The following HMX1 variants were observed in gnomAD, a reference collection of about 807,000 sequenced individuals.
HMX1 encodes the protein H6 family homeobox 1, also known as homeobox protein HMX1.
HMX1 carries 8 observed loss-of-function variants against 8.9 expected under a neutral mutation model. The ratio of observed to expected loss-of-function variants is 0.90; its 90% CI spans 0.53 to 1.63. The LOEUF (loss-of-function observed/expected upper bound fraction) is 1.63. HMX1 is among the 40% of genes most tolerant of loss of function. The probability of loss-of-function intolerance (pLI) is 0.00; values close to 1 mark genes in which losing one functional copy is unlikely to be tolerated. For missense variants in HMX1, 621 were observed against 558.5 expected, an observed-to-expected ratio of 1.11 and a Z score of -1.13; for synonymous variants, 311 against 283.4, an observed-to-expected ratio of 1.10 and a Z score of -0.98.
intron 1 of HMX1, chr4:8,860,604 C>T (rs1034125672): frequency 2.6e-5 from 4 of 152,536 alleles, no homozygotes; most frequent in African/African-American, 4.8e-5. Context: ...AGCCCCGCGT[C>T]CCCCGCCACG....
chr4:8,856,161 C>G (rs1721603171), intron 1 of HMX1, among the ~76,000 whole-genome samples: 1 of 152,192 alleles, frequency 6.6e-6, no homozygotes, highest in Non-Finnish European at 1.5e-5. Context: ...GGGAAGGGCC[C>G]TGAGTGCTTT....
chr4:8,861,224 C>T (rs1469538495), intron 1 of HMX1, among the ~76,000 whole-genome samples: 3 of 152,140 alleles, frequency 2.0e-5, no homozygotes, highest in South Asian at 2.1e-4. Context: ...ATGAACCTGG[C>T]TCCAGGGCCC....
At chr4:8,850,298 G>C (rs1486646681) in intron 1 of HMX1, among the ~76,000 whole-genome samples, 2 of 152,160 alleles carry the variant, frequency 1.3e-5, no homozygotes, top group Non-Finnish European at 2.9e-5. Flanking sequence ...CACAGTGTGG[G>C]AGTCCCAGGC....
Position 8,867,705 on chromosome 4 carries a change from A to C in HMX1, c.1035T>G (p.Pro345=). ...ASVPFLRAQM[P]GLV ...CGGCAGGCGGGGCTCACACCAGGCC[A>C]GGCATCTGCGCCCGCAGAAAGGGCA... Residue 345 remains proline, a synonymous_variant, in exon 2 of 2, where the codon CCT becomes CCG. Coordinates refer to ENST00000400677, the MANE Select transcript of HMX1 (RefSeq NM_018942.3). The C allele has an allele frequency of 2.4e-6, 3 of 1,274,052 alleles. No homozygotes were observed. Among genetic ancestry groups the C allele is most frequent in the Non-Finnish European group, 3.0e-6 (3 of 1,014,240 alleles). The allele number at this position is 1,274,052 out of a possible 1,614,324, so 78.9% of individuals were successfully genotyped here. A position where few individuals can be genotyped will look rare whatever the true frequency, so the allele number is the denominator to read the frequency against.
chr4:8,868,411 C>A lies in HMX1; in HGVS notation c.395-66G>T. ...TGATTACCAGACTCAATCACTGAGG[C>A]CAGCCGTCCCCACCTTGAGGTCGCT... On this transcript the variant is annotated intron_variant, in intron 1 of 1. Transcript: ENST00000400677. The surrounding 1 kb of genome is among the most constrained non-coding windows in gnomAD (Gnocchi z 4.6). 1 of 1,178,110 alleles carries A rather than the reference C, an allele frequency of 8.5e-7. No individual in the cohort carries two copies. The highest frequency in any genetic ancestry group is 1.1e-6 in the Non-Finnish European group (1 of 928,408). 73.0% of individuals were successfully genotyped at this position (1,178,110 alleles called of 1,614,324 possible). A position where few individuals can be genotyped will look rare whatever the true frequency, so the allele number is the denominator to read the frequency against.
At chr4:8,860,073 A>G (rs1721745629) in intron 1 of HMX1, among the ~76,000 whole-genome samples, 1 of 152,256 alleles carries the variant, frequency 6.6e-6, no homozygotes, top group Admixed American at 6.5e-5. Context: ...TCAGGGGCGA[A>G]GCCGAGTTCG....
In HMX1 at chr4:8,871,349, G is replaced by T. The variant is rs1722211479; in HGVS notation, c.266C>A (p.Pro89Gln). 4 of 1,262,320 alleles carry T rather than the reference G, an allele frequency of 3.2e-6. No homozygotes were observed. The highest frequency in any genetic ancestry group is 9.9e-7 in the Non-Finnish European group (1 of 1,006,080). 78.2% of individuals were successfully genotyped at this position (1,262,320 alleles called of 1,614,324 possible). ...CCGAGGACCGAGGCCCAGCGCGCCC[G>T]GCCCGAGCAGCGCACGGGCCCGCGC... is the stretch of plus-strand genomic sequence containing the variant. ...GEARARALLG[P>Q]GALGLGPRPP... The change falls in exon 1 of 2, where the codon CCG (proline) becomes CAG (glutamine). Residue 89 changes from proline to glutamine, a missense_variant. By Grantham distance (76) the Pro-to-Gln change is moderately conservative. Transcript: ENST00000400677. The surrounding 1 kb of genome is among the most constrained non-coding windows in gnomAD (Gnocchi z 4.8).
downstream of HMX1, among the ~76,000 whole-genome samples, chr4:8,862,474 C>T (rs917126086): frequency 2.0e-5 from 3 of 152,218 alleles, no homozygotes; most frequent in African/African-American, 4.8e-5. Context: ...GTTCTTAAAC[C>T]GTGACCAATC....
downstream of HMX1, among the ~76,000 whole-genome samples, chr4:8,863,004 C>A (rs1264656233): frequency 1.3e-5 from 2 of 152,008 alleles, no homozygotes; most frequent in Non-Finnish European, 2.9e-5. Context: ...GCCTTGGGGA[C>A]CTGGGGATCG....
Position 8,867,629 on chromosome 4 carries a change from G to A in HMX1, c.*64C>T, listed in dbSNP as rs1287097170. On this transcript the variant is annotated 3_prime_UTR_variant, in exon 2 of 2. Transcript: ENST00000400677. ...CTAACGCCCCCTGAGCCCTGCGCCT[G>A]CCGCTGAATCGCGCGTCCACACAGG... 3 of 1,206,570 alleles carry A rather than the reference G, an allele frequency of 2.5e-6. No individual in the cohort carries two copies. The highest frequency in any genetic ancestry group is 1.6e-5 in the African/African-American group (1 of 63,218). The allele number at this position is 1,206,570 out of a possible 1,614,324, so 74.7% of individuals were successfully genotyped here.
At chr4:8,863,383 C>G (rs1242997254), downstream of HMX1, among the ~76,000 whole-genome samples, 3 of 152,252 alleles carry the variant, frequency 2.0e-5, no homozygotes, top group African/African-American at 7.2e-5. Flanking sequence ...CCTCTCCCGC[C>G]TCCCTGGTGC....
chr4:8,864,308 T>C (rs1433279710), downstream of HMX1, among the ~76,000 whole-genome samples: 1 of 152,146 alleles, frequency 6.6e-6, no homozygotes, highest in African/African-American at 2.4e-5. Context: ...TAGGCGTGTG[T>C]CCAGGATGTC....
chr4:8,860,962 GGGGCGA>G (rs879898843), intron 1 of HMX1: 2 of 143,624 alleles, frequency 1.4e-5, no homozygotes, highest in African/African-American at 5.9e-5. Context: ...GGCGGGGGCG[GGGGCGA>G]GGGCGGGGGA....
At chr4:8,856,077 C>T (rs1721600333) in intron 1 of HMX1, among the ~76,000 whole-genome samples, 1 of 152,174 alleles carries the variant, frequency 6.6e-6, no homozygotes, top group Non-Finnish European at 1.5e-5. Context: ...AGTGCACGCC[C>T]AGCTGTGCAG....
chr4:8,867,405 CG>C lies in HMX1; in HGVS notation c.*287del, dbSNP rs994484305. ...ATGGCCGACCGCTCCTCGCTGAGGC[CG>C]GGGGGTGGCCGTGGCGCCGGGGGCT... On this transcript the variant is annotated 3_prime_UTR_variant, in exon 2 of 2. Transcript: ENST00000400677. 1.6e-5 allele frequency: 17 copies of C among 1,076,334 alleles called. No individual in the cohort carries two copies. The East Asian group carries it at 1.9e-4, about 12-fold the overall frequency. 66.7% of individuals were successfully genotyped at this position (1,076,334 alleles called of 1,614,324 possible). A position where few individuals can be genotyped will look rare whatever the true frequency, so the allele number is the denominator to read the frequency against.
intron 1 of HMX1, among the ~76,000 whole-genome samples, chr4:8,856,992 G>C (rs1721626157): frequency 6.6e-6 from 1 of 152,152 alleles, no homozygotes; most frequent in South Asian, 2.1e-4. Flanking sequence ...ACTGAGATGG[G>C]AGGATCACTC....
At chr4:8,864,882 C>A (rs1721946549), downstream of HMX1, among the ~76,000 whole-genome samples, 2 of 152,218 alleles carry the variant, frequency 1.3e-5, no homozygotes, top group Non-Finnish European at 2.9e-5. Flanking sequence ...AGACGCTCTC[C>A]AGCCCGATTT....
Position 8,870,748 on chromosome 4 carries a change from C to T in HMX1, c.394+473G>A, listed in dbSNP as rs4308436. Among the ~76,000 whole-genome samples the T allele has an allele frequency of 0.42, 63,831 of 150,794 alleles. 16,276 individuals carry two copies. Among genetic ancestry groups the T allele is most frequent in the Non-Finnish European group, 0.59 (40,210 of 67,592 alleles). Reference sequence around the variant, plus strand: ...TCTCCCTTTCCCTCCATCTCTTCCTCCTCTTTTCTCTCTCGGATCACTCTT... The same window carrying T: ...TCTCCCTTTCCCTCCATCTCTTCCTTCTCTTTTCTCTCTCGGATCACTCTT... On this transcript the variant is annotated intron_variant, in intron 1 of 1. Coordinates refer to ENST00000400677, the MANE Select transcript of HMX1 (RefSeq NM_018942.3). The surrounding 1 kb of genome is among the most constrained non-coding windows in gnomAD (Gnocchi z 4.4).
At chr4:8,869,715 C>T (rs1012623764) in intron 1 of HMX1, among the ~76,000 whole-genome samples, 4 of 148,852 alleles carry the variant, frequency 2.7e-5, no homozygotes, top group African/African-American at 7.8e-5. Flanking sequence ...TGCCTCCCCC[C>T]AATACCCCAA....
Sources: gnomAD v4.1 joint callset for allele counts (sites outside exome capture counted in the v4.1 genomes callset) on GRCh38, gnomAD v4.1.1 for gene constraint, Gnocchi (gnomAD v3.1) non-coding constraint, MANE v1.5 for transcripts, NCBI Gene and HGNC (gene_info 2026-07-23, HGNC 2026-07-21) for gene names.